The following RTN4 variants were observed in gnomAD, a reference collection of about 807,000 sequenced individuals.
The protein encoded by RTN4 is reticulon-4.
A neutral mutation model predicts 90.4 loss-of-function variants in RTN4; 32 were observed. The ratio of observed to expected loss-of-function variants is 0.35; its 90% CI spans 0.27 to 0.48. RTN4 has a LOEUF of 0.48. Among genes scored for constraint, RTN4 ranks in the 20% least tolerant of loss-of-function variants. RTN4 has a pLI of 0.99. For synonymous variants in RTN4, 629 were observed against 552.5 expected (o/e 1.14, Z -1.94); for missense variants, 1,706 against 1,430.2 (o/e 1.19, Z -3.11).
At chr2:54,976,080 G>C (rs1191247902) in intron 5 of RTN4, among the ~76,000 whole-genome samples, 1 of 152,160 alleles carries the variant, frequency 6.6e-6, no homozygotes, top group African/African-American at 2.4e-5. Flanking sequence ...TAGAGTAAGA[G>C]AGTTATTTTT....
intron 3 of RTN4, among the ~76,000 whole-genome samples, chr2:55,006,858 A>T (rs1680264799): frequency 6.6e-6 from 1 of 151,704 alleles, no homozygotes; most frequent in Admixed American, 6.6e-5. Flanking sequence ...GAACCTCCTC[A>T]TTTTCCCTAA....
At chr2:55,107,423 A>G (rs1157063838) in intron 1 of RTN4, among the ~76,000 whole-genome samples, 1 of 146,530 alleles carries the variant, frequency 6.8e-6, no homozygotes, top group Non-Finnish European at 1.5e-5. Flanking sequence ...AAAAAAAAAA[A>G]GGAAAGAAAG....
intron 1 of RTN4, among the ~76,000 whole-genome samples, chr2:55,091,670 G>C (rs1327421888): frequency 6.6e-6 from 1 of 152,134 alleles, no homozygotes. Context: ...TCTCCAAAAA[G>C]AAAACTTTTT....
At position 55,013,748 on chromosome 2, in the gene RTN4, T is replaced by G. The variant is rs115544987; in HGVS notation, c.3013+11338A>C. Among the ~76,000 whole-genome samples the G allele has an allele frequency of 5.0e-3, 763 of 152,274 alleles. 6 individuals carry two copies. The highest frequency in any genetic ancestry group is 0.018 in the African/African-American group (733 of 41,554). On this transcript the variant is annotated intron_variant, in intron 3 of 8. Transcript: ENST00000337526. ...CCAGCCAGCTCTTATTCTAAGACAT[T>G]CTTCCTTTTCCATTTCTTTCTTTCC...
At chr2:54,975,806 C>T (rs1419401908) in intron 5 of RTN4, among the ~76,000 whole-genome samples, 1 of 152,190 alleles carries the variant, frequency 6.6e-6, no homozygotes, top group Non-Finnish European at 1.5e-5. Context: ...ATGACTCTAC[C>T]AAGCAACAGT....
chr2:55,100,153 A>C (rs951758479), intron 1 of RTN4, among the ~76,000 whole-genome samples: 6 of 152,154 alleles, frequency 3.9e-5, no homozygotes, highest in African/African-American at 1.4e-4. Flanking sequence ...TAAGGTCACC[A>C]AGCACCAGTG....
intron 1 of RTN4, among the ~76,000 whole-genome samples, chr2:55,041,168 C>G (rs1357846017): frequency 6.6e-6 from 1 of 151,602 alleles, no homozygotes; most frequent in African/African-American, 2.4e-5. Flanking sequence ...AGCCAAATAC[C>G]TGTATAATTC....
intron 1 of RTN4, among the ~76,000 whole-genome samples, chr2:55,098,500 T>A (rs778160089): frequency 6.6e-6 from 1 of 152,126 alleles, no homozygotes; most frequent in African/African-American, 2.4e-5. Flanking sequence ...TCCAACTCCA[T>A]TGCATATTAT....
chr2:55,102,038 A>G (rs1305740561), intron 1 of RTN4, among the ~76,000 whole-genome samples: 2 of 152,154 alleles, frequency 1.3e-5, no homozygotes. Flanking sequence ...TAAGACAAAA[A>G]AAGGCTTCTG....
chr2:54,993,297 A>G (rs1381083763), intron 3 of RTN4, among the ~76,000 whole-genome samples: 1 of 152,178 alleles, frequency 6.6e-6, no homozygotes, highest in Non-Finnish European at 1.5e-5. Flanking sequence ...TCTATTCGGT[A>G]CTACTGAAGA....
At chr2:55,062,009 G>GACATCAAGAGC (rs917049622) in intron 2 of RTN4, among the ~76,000 whole-genome samples, 3 of 122,902 alleles carry the variant, frequency 2.4e-5, no homozygotes, top group Non-Finnish European at 5.8e-5. Context: ...ATTTCGAGAG[G>GACATCAAGAGC]ACATCAAGAG....
intron 4 of RTN4, among the ~76,000 whole-genome samples, chr2:54,985,721 T>A (rs1678507554): frequency 1.3e-5 from 2 of 152,212 alleles, no homozygotes; most frequent in South Asian, 4.1e-4. Context: ...ATAAACAAAA[T>A]AATTCAGTAG....
At chr2:55,013,061 T>C (rs971595252) in intron 3 of RTN4, among the ~76,000 whole-genome samples, 1 of 152,186 alleles carries the variant, frequency 6.6e-6, no homozygotes, top group Non-Finnish European at 1.5e-5. Flanking sequence ...TTTTGACTAT[T>C]TGAGACAGGA....
the RTN4 span, among the ~76,000 whole-genome samples, chr2:55,123,254 CA>C: frequency 1.3e-5 from 2 of 151,968 alleles, no homozygotes; most frequent in Admixed American, 6.5e-5. Context: ...CAGCAAGTTG[CA>C]AAAAATGCCA....
In RTN4 at chr2:55,081,705, T is replaced by A. The variant is rs188868329; in HGVS notation, c.-213-1066A>T. Among the ~76,000 whole-genome samples, 116 of 151,894 alleles carry A rather than the reference T, an allele frequency of 7.6e-4. 1 individual carries two copies. The highest frequency in any genetic ancestry group is 2.2e-3 in the Admixed American group (34 of 15,224). On this transcript the variant is annotated intron_variant, in intron 1 of 3. Transcript: ENST00000427710. ...TAATGAGACCTCATCTCTCAAAAAT[T>A]TTTTTTAATTACCTGAGCATGATAG...
chr2:55,128,841 T>C, the RTN4 span, among the ~76,000 whole-genome samples: 3 of 147,808 alleles, frequency 2.0e-5, no homozygotes, highest in Non-Finnish European at 4.5e-5. Context: ...GCACGGTGGC[T>C]CACGCCTGTA....
intron 2 of RTN4, among the ~76,000 whole-genome samples, chr2:55,076,796 T>G (rs1668610540): frequency 6.6e-6 from 1 of 152,164 alleles, no homozygotes. Flanking sequence ...ACCCCCATGC[T>G]GTTCTCATGA....
chr2:55,012,579 T>C (rs1028782749), intron 3 of RTN4, among the ~76,000 whole-genome samples: 1 of 152,206 alleles, frequency 6.6e-6, no homozygotes, highest in Non-Finnish European at 1.5e-5. Context: ...GCTATGTTTA[T>C]TATGAAAATC....
At chr2:55,092,559 G>A (rs1668958243) in intron 1 of RTN4, among the ~76,000 whole-genome samples, 2 of 152,116 alleles carry the variant, frequency 1.3e-5, no homozygotes, top group African/African-American at 2.4e-5. Flanking sequence ...TTTATCTCCA[G>A]CTCCTAGAAC....
Sources: allele counts gnomAD v4.1 joint callset (sites outside exome capture counted in the v4.1 genomes callset), GRCh38; gene constraint gnomAD v4.1.1; transcripts MANE v1.5; gene names NCBI Gene and HGNC (gene_info 2026-07-23, HGNC 2026-07-21).